The following MTURN variants were observed in gnomAD, a reference collection of about 807,000 sequenced individuals.
MTURN encodes the protein maturin.
A neutral mutation model predicts 14.9 loss-of-function variants in MTURN; 7 were observed. The observed-to-expected ratio is 0.47, with a 90% CI of 0.27 to 0.88. MTURN has a LOEUF of 0.88. Ranked by LOEUF, MTURN falls within the 40% of genes least tolerant of loss-of-function variation. The probability of loss-of-function intolerance (pLI) is 0.14; values close to 1 mark genes in which losing one functional copy is unlikely to be tolerated. For missense variants in MTURN, 151 were observed against 174.1 expected, an observed-to-expected ratio of 0.87 and a Z score of 0.75; for synonymous variants, 69 against 72.5, an observed-to-expected ratio of 0.95 and a Z score of 0.25.
At chr7:30,139,487 T>TTGGTTCA (rs1797016264) in intron 1 of MTURN, among the ~76,000 whole-genome samples, 1 of 152,186 alleles carries the variant, frequency 6.6e-6, no homozygotes, top group Admixed American at 6.5e-5. Context: ...CAATCTAGAC[T>TTGGTTCA]GGGTTCAGGG....
chr7:30,145,517 A>G (rs1298660574), intron 1 of MTURN, among the ~76,000 whole-genome samples: 1 of 152,144 alleles, frequency 6.6e-6, no homozygotes, highest in Admixed American at 6.5e-5. Flanking sequence ...AAAAGAAACA[A>G]AAAATCTAAA....
chr7:30,154,195 A>G (rs1157221552), intron 2 of MTURN, among the ~76,000 whole-genome samples: 1 of 152,082 alleles, frequency 6.6e-6, no homozygotes, highest in Admixed American at 6.6e-5. Context: ...CAGGCTGGAC[A>G]GAAGAACCAC....
chr7:30,155,065 C>T (rs1472959250), intron 2 of MTURN, among the ~76,000 whole-genome samples: 3 of 152,186 alleles, frequency 2.0e-5, no homozygotes, highest in African/African-American at 7.2e-5. Context: ...TGGTACATCT[C>T]TTTTGGATAA....
chr7:30,157,667 T>A lies in MTURN; in HGVS notation c.*119T>A. The stretch of plus-strand genomic sequence containing the variant: ...GAAATAGGACATCTGGCTCCCAGCA[T>A]CCAAATTAAAATGAAATACCTTTTT... On this transcript the variant is annotated 3_prime_UTR_variant, in exon 3 of 3. Transcript: ENST00000324453. The A allele has an allele frequency of 1.7e-6, 1 of 601,066 alleles. No individual in the cohort carries two copies. The highest frequency in any genetic ancestry group is 2.8e-6 in the Non-Finnish European group (1 of 362,294). The allele number at this position is 601,066 out of a possible 1,614,324, so 37.2% of individuals were successfully genotyped here.
At chr7:30,154,748 C>A (rs1169587911) in intron 2 of MTURN, among the ~76,000 whole-genome samples, 1 of 152,192 alleles carries the variant, frequency 6.6e-6, no homozygotes, top group Non-Finnish European at 1.5e-5. Context: ...CTCCAAATTC[C>A]AGAAGGCCAC....
rs545882270 is a variant in MTURN at position 30,159,265 on chromosome 7, C to T, written c.*1717C>T. ...TCCATTGGGGTGAGCATATACTGCC[C>T]TTTGCAGCCCTGCCTGTGTTCTGAT... On this transcript the variant is annotated 3_prime_UTR_variant, in exon 3 of 3. Transcript: ENST00000324453. 3.9e-5 allele frequency: 6 copies of T among 152,264 alleles called. No individual in the cohort carries two copies. The East Asian group carries it at 9.6e-4, about 24-fold the overall frequency. The allele number at this position is 152,264 out of a possible 1,614,324, so 9.4% of individuals were successfully genotyped here. A position where few individuals can be genotyped will look rare whatever the true frequency, so the allele number is the denominator to read the frequency against.
intron 1 of MTURN, among the ~76,000 whole-genome samples, chr7:30,138,287 C>A (rs1796997069): frequency 6.6e-6 from 1 of 152,010 alleles, no homozygotes. Context: ...GCTAATTTTT[C>A]TATTTTTCGT....
chr7:30,143,712 A>G (rs1169646560), intron 1 of MTURN, among the ~76,000 whole-genome samples: 1 of 152,202 alleles, frequency 6.6e-6, no homozygotes, highest in East Asian at 1.9e-4. Flanking sequence ...TCTTCCTTCA[A>G]CATATAGTCC....
At chr7:30,152,686 C>G (rs1036590314) in intron 2 of MTURN, among the ~76,000 whole-genome samples, 1 of 152,202 alleles carries the variant, frequency 6.6e-6, no homozygotes, top group Non-Finnish European at 1.5e-5. Flanking sequence ...ACCTCCCCTT[C>G]CTTTATGAAG....
At chr7:30,152,721 GC>G (rs926793892) in intron 2 of MTURN, among the ~76,000 whole-genome samples, 2 of 152,166 alleles carry the variant, frequency 1.3e-5, no homozygotes, top group African/African-American at 4.8e-5. Context: ...TGTGCTGAGT[GC>G]CCCCTCCAGA....
rs897991948 is a variant in MTURN, at chr7:30,159,661, C to T, written c.*2113C>T. ...GATGAGAATTCTGGGCTTTGTTTTGCACCAGGGGTAGGAAACAGAGAACAT... is the reference window on the plus strand; with the variant it reads ...GATGAGAATTCTGGGCTTTGTTTTGTACCAGGGGTAGGAAACAGAGAACAT... On this transcript the variant is annotated 3_prime_UTR_variant, in exon 3 of 3. Coordinates refer to ENST00000324453, the MANE Select transcript of MTURN (RefSeq NM_152793.3). 3.9e-5 allele frequency: 6 copies of T among 152,630 alleles called. No individual in the cohort carries two copies. The highest frequency in any genetic ancestry group is 1.4e-4 in the African/African-American group (6 of 41,448). 9.5% of individuals were successfully genotyped at this position (152,630 alleles called of 1,614,324 possible).
rs1261673496 is a variant in MTURN, at chr7:30,157,636, C to T, written c.*88C>T. On this transcript the variant is annotated 3_prime_UTR_variant, in exon 3 of 3. Transcript: ENST00000324453. ...CTCCTGGGTTAGCATTTTGCATTAG[C>T]ACTTCGAAATAGGACATCTGGCTCC... The T allele has an allele frequency of 1.1e-6, 1 of 906,470 alleles. No individual in the cohort carries two copies. The highest frequency in any genetic ancestry group is 2.0e-5 in the South Asian group (1 of 49,330). 56.2% of individuals were successfully genotyped at this position (906,470 alleles called of 1,614,324 possible).
intron 1 of MTURN, among the ~76,000 whole-genome samples, chr7:30,135,631 G>A (rs1796940499): frequency 6.6e-6 from 1 of 152,174 alleles, no homozygotes; most frequent in Admixed American, 6.5e-5. Context: ...CCCGTGCGCG[G>A]TGCCTGGCAT....
chr7:30,149,012 T>C (rs1452557984), intron 2 of MTURN, among the ~76,000 whole-genome samples: 1 of 152,078 alleles, frequency 6.6e-6, no homozygotes. Flanking sequence ...GTGGGTGTCG[T>C]CTGTGGTGGC....
At chr7:30,143,875 T>C (rs1291519587) in intron 1 of MTURN, among the ~76,000 whole-genome samples, 1 of 152,234 alleles carries the variant, frequency 6.6e-6, no homozygotes, top group Non-Finnish European at 1.5e-5. Context: ...ATTGTTTGAG[T>C]GATATACTTT....
intron 1 of MTURN, among the ~76,000 whole-genome samples, chr7:30,139,508 A>G (rs777156295): frequency 6.6e-6 from 1 of 152,154 alleles, no homozygotes; most frequent in Non-Finnish European, 1.5e-5. Context: ...AGTGCTTCTT[A>G]TTGGGCCTCA....
At chr7:30,147,861 C>G (rs1056958122) in intron 2 of MTURN, among the ~76,000 whole-genome samples, 1 of 152,110 alleles carries the variant, frequency 6.6e-6, no homozygotes, top group Non-Finnish European at 1.5e-5. Context: ...ATTTTCTAAG[C>G]CAGTTTGGCA....
Position 30,162,606 on chromosome 7 carries a change from T to TAACAAAAA in MTURN, c.*5058_*5059insAACAAAAA. On this transcript the variant is annotated 3_prime_UTR_variant, in exon 3 of 3. Transcript: ENST00000324453. Reference sequence around the variant, plus strand: ...GTAAATTACAAAACTGTGAATTGGGTTGCCAAAAACTGTTGCCCTTCGTTA... The same window carrying TAACAAAAA: ...GTAAATTACAAAACTGTGAATTGGGTAACAAAAATGCCAAAAACTGTTGCCCTTCGTTA... The TAACAAAAA allele has an allele frequency of 6.6e-6, 1 of 152,566 alleles. No individual in the cohort carries two copies. Among genetic ancestry groups the TAACAAAAA allele is most frequent in the Admixed American group, 6.5e-5 (1 of 15,270 alleles). 9.5% of individuals were successfully genotyped at this position (152,566 alleles called of 1,614,324 possible). A position where few individuals can be genotyped will look rare whatever the true frequency, so the allele number is the denominator to read the frequency against.
rs1212605497 is a variant in MTURN, at chr7:30,161,822, T to G, written c.*4274T>G. ...CCTTTTTCATAAAGACCCAGTCACT[T>G]CTCCCAGTTTAGTGATAACAGGTAT... On this transcript the variant is annotated 3_prime_UTR_variant, in exon 3 of 3. Coordinates refer to ENST00000324453, the MANE Select transcript of MTURN (RefSeq NM_152793.3). The G allele has an allele frequency of 6.6e-6, 1 of 151,982 alleles. No homozygotes were observed. The highest frequency in any genetic ancestry group is 1.5e-5 in the Non-Finnish European group (1 of 67,990). The allele number at this position is 151,982 out of a possible 1,614,324, so 9.4% of individuals were successfully genotyped here.
Sources: gnomAD v4.1 joint callset for allele counts (sites outside exome capture counted in the v4.1 genomes callset) on GRCh38, gnomAD v4.1.1 for gene constraint, MANE v1.5 for transcripts, NCBI Gene and HGNC (gene_info 2026-07-23, HGNC 2026-07-21) for gene names.